CAMTA1: variants seen among roughly 807,000 people sequenced by gnomAD.
CAMTA1 encodes the protein calmodulin binding transcription activator 1.
In CAMTA1, 27 loss-of-function variants were observed where a neutral mutation model predicts 170.9. The observed-to-expected ratio is 0.16, with a 90% CI of 0.12 to 0.22. The LOEUF is 0.22. Among genes scored for constraint, CAMTA1 ranks in the 10% least tolerant of loss-of-function variants. The probability of loss-of-function intolerance (pLI) is 1.00; values close to 1 mark genes in which losing one functional copy is unlikely to be tolerated. For synonymous variants in CAMTA1, 833 were observed against 891.5 expected, an observed-to-expected ratio of 0.93 and a Z score of 1.17; for missense variants, 1,619 against 2,217.2, an observed-to-expected ratio of 0.73 and a Z score of 5.42.
chr1:7,046,404 C>T (rs59006052), intron 3 of CAMTA1, among the ~76,000 whole-genome samples: 1,560 of 152,274 alleles, frequency 0.01, 26 homozygotes, highest in African/African-American at 0.034. Flanking sequence ...TCCCAGCTGC[C>T]GGAGGCTTCC....
intron 4 of CAMTA1, among the ~76,000 whole-genome samples, chr1:7,097,411 G>A (rs1178563235): frequency 6.6e-6 from 1 of 152,206 alleles, no homozygotes; most frequent in Non-Finnish European, 1.5e-5. Flanking sequence ...CAGCCCTTGG[G>A]GTCCCGGCAT....
chr1:6,827,243 A>C lies in CAMTA1; in HGVS notation c.234+2033A>C, dbSNP rs184054590. ...TGCTGAAATCTAGGTAGAGGAGCGT[A>C]TGTTCTGAAGGGTGGAGGCAGCAGG... On this transcript the variant is annotated intron_variant, in intron 3 of 22. Transcript: ENST00000303635. Among the ~76,000 whole-genome samples, 552 of 152,258 alleles carry C rather than the reference A, an allele frequency of 3.6e-3. 2 individuals are homozygous for C. Among genetic ancestry groups the C allele is most frequent in the Non-Finnish European group, 4.5e-3 (306 of 68,018 alleles).
rs368266138 is a variant in CAMTA1 at position 7,664,503 on chromosome 1, G to A, written c.1956G>A (p.Ser652=). The A allele has an allele frequency of 2.5e-5, 40 of 1,613,156 alleles. No individual in the cohort carries two copies. Among genetic ancestry groups the A allele is most frequent in the Middle Eastern group, 1.6e-4 (1 of 6,084 alleles). The change falls in exon 9 of 23, where the codon TCG becomes TCA. Residue 652 remains serine, a synonymous_variant. Coordinates refer to ENST00000303635, the MANE Select transcript of CAMTA1 (RefSeq NM_015215.4). ...FVMPTVKTEA[S]SQTSSCSGHV... is the part of the protein sequence containing the mutation. The stretch of plus-strand genomic sequence containing the variant: ...TGCCCACGGTGAAAACGGAGGCCTC[G>A]TCCCAAACCAGCTCCTGCAGCGGTC...
intron 3 of CAMTA1, among the ~76,000 whole-genome samples, chr1:7,069,794 G>A (rs935234404): frequency 6.6e-6 from 1 of 152,224 alleles, no homozygotes; most frequent in Admixed American, 6.5e-5. Flanking sequence ...GTTTGGAGCT[G>A]AGACTCCAGA....
intron 3 of CAMTA1, among the ~76,000 whole-genome samples, chr1:6,956,150 C>G (rs1253432707): frequency 1.3e-5 from 2 of 152,184 alleles, no homozygotes; most frequent in Non-Finnish European, 2.9e-5. Context: ...CCCGGCAGCT[C>G]TCCATGGAAG....
chr1:6,870,815 G>A (rs1173446802), intron 3 of CAMTA1, among the ~76,000 whole-genome samples: 1 of 152,116 alleles, frequency 6.6e-6, no homozygotes, highest in Non-Finnish European at 1.5e-5. Flanking sequence ...CCTAAACCAG[G>A]GAGCATATAG....
chr1:7,702,661 T>C (rs1163400535), intron 11 of CAMTA1, among the ~76,000 whole-genome samples: 1 of 152,212 alleles, frequency 6.6e-6, no homozygotes, highest in Non-Finnish European at 1.5e-5. Context: ...GTCCTGCTCT[T>C]AGTGAAAAAC....
chr1:7,058,858 T>TACACACACACATAC (rs1057414184), intron 3 of CAMTA1, among the ~76,000 whole-genome samples: 4 of 147,564 alleles, frequency 2.7e-5, no homozygotes, highest in South Asian at 2.2e-4. Context: ...AAGAATGGTG[T>TACACACACACATAC]ACACACACAC....
chr1:6,924,184 T>TA (rs1268222360), intron 3 of CAMTA1, among the ~76,000 whole-genome samples: 1 of 152,180 alleles, frequency 6.6e-6, no homozygotes, highest in Non-Finnish European at 1.5e-5. Context: ...TGGGTGTGAA[T>TA]AGTGCACAAG....
intron 3 of CAMTA1, chr1:6,871,942 A>G (rs1333680061): frequency 1.5e-6 from 2 of 1,333,932 alleles, no homozygotes; most frequent in African/African-American, 3.0e-5. Context: ...CCTCAAATAG[A>G]GATACCCCTT....
chr1:7,712,005 A>G (rs1225187042), intron 11 of CAMTA1, among the ~76,000 whole-genome samples: 2 of 152,254 alleles, frequency 1.3e-5, no homozygotes, highest in Non-Finnish European at 2.9e-5. Flanking sequence ...GTGTGCACAT[A>G]TATATGCATA....
chr1:6,948,690 C>T (rs1038366027), intron 3 of CAMTA1, among the ~76,000 whole-genome samples: 1 of 152,128 alleles, frequency 6.6e-6, no homozygotes, highest in African/African-American at 2.4e-5. Flanking sequence ...TTAATCCTCA[C>T]TCAGCATTAT....
At chr1:6,924,090 C>G (rs1557833387) in intron 3 of CAMTA1, among the ~76,000 whole-genome samples, 1 of 152,180 alleles carries the variant, frequency 6.6e-6, no homozygotes, top group South Asian at 2.1e-4. Context: ...GCAGGCTGAG[C>G]CTGGCTGGCC....
At chr1:7,123,406 A>T (rs962481233) in intron 4 of CAMTA1, among the ~76,000 whole-genome samples, 21 of 152,040 alleles carry the variant, frequency 1.4e-4, no homozygotes, top group African/African-American at 4.6e-4. Flanking sequence ...TGTCTTGATC[A>T]TCCGCGAAGA....
At position 7,224,166 on chromosome 1, in the gene CAMTA1, C is replaced by T. The variant is rs1661287331; in HGVS notation, c.303-25325C>T. Among the ~76,000 whole-genome samples the T allele has an allele frequency of 1.3e-5, 2 of 152,188 alleles. No individual in the cohort carries two copies. Among genetic ancestry groups the T allele is most frequent in the Admixed American group, 1.3e-4 (2 of 15,276 alleles). ...TGCTCAAGCCATCCTGGACCTCACC[C>T]GATGGGAGGGAGAATGATGCTCTGC... On this transcript the variant is annotated intron_variant, in intron 4 of 22. Transcript: ENST00000303635. This position sits in a 1 kb window ranked among gnomAD's most constrained non-coding sequence, Gnocchi z 5.2.
chr1:7,507,154 ACT>A (rs2094130251), intron 6 of CAMTA1, among the ~76,000 whole-genome samples: 2 of 150,016 alleles, frequency 1.3e-5, no homozygotes, highest in African/African-American at 2.5e-5. Context: ...TCACTCCCAC[ACT>A]CACACAACAC....
intron 6 of CAMTA1, among the ~76,000 whole-genome samples, chr1:7,512,401 G>C (rs2094213614): frequency 6.6e-6 from 1 of 152,238 alleles, no homozygotes; most frequent in South Asian, 2.1e-4. Flanking sequence ...GGTGGGGCAA[G>C]GGTAGCAAAT....
In CAMTA1 at chr1:7,695,894, T is replaced by C. The variant is rs995982450; in HGVS notation, c.2914+18161T>C. Among the ~76,000 whole-genome samples, 5 of 152,204 alleles carry C rather than the reference T, an allele frequency of 3.3e-5. 1 individual carries two copies. In the South Asian group the frequency reaches 6.2e-4, roughly 19 times the overall value. ...TGCAGGAGACGGCTGTCATTTAAAATGCACTTGCACAGAATTGGGCCTTCC... is the reference window on the plus strand; with the variant it reads ...TGCAGGAGACGGCTGTCATTTAAAACGCACTTGCACAGAATTGGGCCTTCC... On this transcript the variant is annotated intron_variant, in intron 11 of 22. Coordinates refer to ENST00000303635, the MANE Select transcript of CAMTA1 (RefSeq NM_015215.4).
intron 6 of CAMTA1, among the ~76,000 whole-genome samples, chr1:7,536,937 C>T (rs1212353912): frequency 6.6e-6 from 1 of 152,136 alleles, no homozygotes; most frequent in African/African-American, 2.4e-5. Flanking sequence ...CCTCCCTGCC[C>T]ACATCTTCCT....
Sources: gnomAD v4.1 joint callset for allele counts (sites outside exome capture counted in the v4.1 genomes callset) on GRCh38, gnomAD v4.1.1 for gene constraint, Gnocchi (gnomAD v3.1) non-coding constraint, MANE v1.5 for transcripts, NCBI Gene and HGNC (gene_info 2026-07-23, HGNC 2026-07-21) for gene names.